Variants in SPECC1 observed in about 807,000 individuals in gnomAD.
The protein encoded by SPECC1 is cytospin-B.
In SPECC1, 62 loss-of-function variants were observed where a neutral mutation model predicts 104.1. The observed-to-expected ratio is 0.60, with a 90% CI of 0.49 to 0.74. The LOEUF (loss-of-function observed/expected upper bound fraction) is 0.74. Ranked by LOEUF, SPECC1 falls within the 30% of genes least tolerant of loss-of-function variation. The pLI, the probability that SPECC1 is intolerant of heterozygous loss-of-function variation, is 0.00. For synonymous variants in SPECC1, 513 were observed against 501.6 expected, an observed-to-expected ratio of 1.02 and a Z score of -0.30; for missense variants, 1,306 against 1,310.5, an observed-to-expected ratio of 1.00 and a Z score of 0.05.
At chr17:20,155,937 G>C (rs1320484015) in intron 3 of SPECC1, 11 of 1,235,134 alleles carry the variant, frequency 8.9e-6, no homozygotes, top group Admixed American at 4.4e-5. Context: ...GTGTGCAGTT[G>C]AGGTGGTCCG....
intron 12 of SPECC1, among the ~76,000 whole-genome samples, chr17:20,287,454 A>AAAAAAAAAG (rs2040995828): frequency 6.9e-6 from 1 of 145,624 alleles, no homozygotes; most frequent in African/African-American, 2.6e-5. Context: ...AAAAAAAAAA[A>AAAAAAAAAG]ATGACATGGC....
rs1024477461 is a variant in SPECC1 at position 20,318,673 on chromosome 17, A to T, written c.*4608A>T. On this transcript the variant is annotated 3_prime_UTR_variant, in exon 15 of 15. Coordinates refer to ENST00000395527, the MANE Select transcript of SPECC1 (RefSeq NM_001243439.2). ...AAAGCTCGAGTGCCATTTTGAGATG[A>T]CCTACCAATGACATGCAGTAAAGGA... The T allele has an allele frequency of 1.3e-4, 30 of 227,056 alleles. No individual in the cohort carries two copies. The highest frequency in any genetic ancestry group is 2.1e-4 in the Non-Finnish European group (24 of 114,264). 14.1% of individuals were successfully genotyped at this position (227,056 alleles called of 1,614,324 possible).
chr17:20,237,382 T>G (rs773736287), intron 7 of SPECC1: 2 of 699,802 alleles, frequency 2.9e-6, no homozygotes, highest in African/African-American at 3.8e-5. Flanking sequence ...TGGTACGATC[T>G]CGGCTCACTG....
chr17:20,224,554 G>T (rs1222370897), intron 4 of SPECC1, among the ~76,000 whole-genome samples: 1 of 152,034 alleles, frequency 6.6e-6, no homozygotes, highest in Non-Finnish European at 1.5e-5. Context: ...TGGTATCCAA[G>T]TTGGAAGACA....
intron 1 of SPECC1, among the ~76,000 whole-genome samples, chr17:20,075,894 C>G (rs1232829719): frequency 2.0e-5 from 3 of 152,158 alleles, no homozygotes; most frequent in Admixed American, 2.0e-4. Context: ...CTACAGTGAG[C>G]TGTGATCATG....
chr17:20,242,233 A>T (rs1036959507), intron 7 of SPECC1, among the ~76,000 whole-genome samples: 33 of 152,254 alleles, frequency 2.2e-4, no homozygotes, highest in African/African-American at 8.0e-4. Flanking sequence ...GCTGTAGACC[A>T]TGACTGACAT....
At chr17:20,240,657 T>C (rs1458401996) in intron 7 of SPECC1, among the ~76,000 whole-genome samples, 1 of 152,216 alleles carries the variant, frequency 6.6e-6, no homozygotes, top group Non-Finnish European at 1.5e-5. Flanking sequence ...CTTTGTCCAC[T>C]GAATTGAAAT....
At chr17:20,295,644 A>C (rs977924560) in intron 12 of SPECC1, among the ~76,000 whole-genome samples, 1 of 152,168 alleles carries the variant, frequency 6.6e-6, no homozygotes, top group African/African-American at 2.4e-5. Context: ...CAACAGTGTA[A>C]AAGTGTTCCT....
chr17:20,026,927 C>G (rs2044622884), intron 1 of SPECC1, among the ~76,000 whole-genome samples: 1 of 151,952 alleles, frequency 6.6e-6, no homozygotes, highest in Non-Finnish European at 1.5e-5. Context: ...TCCCCTTTCT[C>G]CAAATCTTTG....
intron 3 of SPECC1, 59 bp from the exon 4 acceptor site, chr17:20,204,274 G>C (rs1366452606): frequency 3.9e-5 from 60 of 1,549,694 alleles, no homozygotes; most frequent in Non-Finnish European, 4.8e-5. Flanking sequence ...AGTCATTTGG[G>C]TTTTGTTTAT....
intron 1 of SPECC1, among the ~76,000 whole-genome samples, chr17:20,056,128 A>G (rs2045955040): frequency 6.6e-6 from 1 of 152,234 alleles, no homozygotes; most frequent in African/African-American, 2.4e-5. Context: ...AAAGAAAAAT[A>G]CTTAGTTCTT....
intron 11 of SPECC1, among the ~76,000 whole-genome samples, chr17:20,258,827 T>G (rs894296236): frequency 1.3e-5 from 2 of 152,270 alleles, no homozygotes; most frequent in African/African-American, 4.8e-5. Context: ...TCTCTGACTT[T>G]GGCGTCTTAC....
At chr17:20,144,353 G>T (rs2031223583) in intron 3 of SPECC1, among the ~76,000 whole-genome samples, 2 of 151,462 alleles carry the variant, frequency 1.3e-5, no homozygotes, top group Non-Finnish European at 2.9e-5. Flanking sequence ...ATCATGCTCG[G>T]CTAATTTTTT....
chr17:20,059,006 A>AT (rs1173083740), intron 1 of SPECC1, among the ~76,000 whole-genome samples: 4 of 148,580 alleles, frequency 2.7e-5, no homozygotes, highest in Non-Finnish European at 4.5e-5. Flanking sequence ...CACCCGGCTA[A>AT]TTTTTTTTTG....
rs1250051146 is a variant in SPECC1, at chr17:20,096,750, G to A, written c.99G>A (p.Lys33=). The change falls in exon 2 of 15, where the codon AAG becomes AAA. Residue 33 remains lysine, a synonymous_variant. Coordinates refer to ENST00000395527, the MANE Select transcript of SPECC1 (RefSeq NM_001243439.2). The part of the protein sequence containing the change: ...RPLPAASSGM[K]SSKSSTSLAF... ...TGCCTGCAGCCTCTTCCGGCATGAA[G>A]AGTTCTAAGTCTTCAACTTCCTTGG... 6.2e-7 allele frequency: 1 copy of A among 1,614,218 alleles called. No homozygotes were observed. The highest frequency in any genetic ancestry group is 1.1e-5 in the South Asian group (1 of 91,090).
intron 3 of SPECC1, chr17:20,112,779 T>A (rs1250374861): frequency 3.7e-6 from 5 of 1,361,278 alleles, no homozygotes; most frequent in Non-Finnish European, 4.2e-6. Context: ...GGAAGTCAGA[T>A]AACAGGAATT....
chr17:20,105,182 C>T (rs1275765807), intron 2 of SPECC1, among the ~76,000 whole-genome samples: 1 of 152,002 alleles, frequency 6.6e-6, no homozygotes, highest in Admixed American at 6.5e-5. Context: ...CCTGCAGCCT[C>T]GAACTCCAGC....
At chr17:20,040,217 G>A (rs1472477203) in intron 1 of SPECC1, among the ~76,000 whole-genome samples, 1 of 151,932 alleles carries the variant, frequency 6.6e-6, no homozygotes, top group Non-Finnish European at 1.5e-5. Flanking sequence ...GTGTGTGTAT[G>A]TAACTTTTCA....
intron 3 of SPECC1, chr17:20,155,674 T>C (rs1286394787): frequency 6.4e-6 from 1 of 156,804 alleles, no homozygotes; most frequent in Non-Finnish European, 1.4e-5. Context: ...GTTTCTCTTG[T>C]CCTGATAGGT....
Sources: allele counts gnomAD v4.1 joint callset (sites outside exome capture counted in the v4.1 genomes callset), GRCh38; gene constraint gnomAD v4.1.1; transcripts MANE v1.5; gene names NCBI Gene and HGNC (gene_info 2026-07-23, HGNC 2026-07-21).